The following RIPOR3 variants were observed in gnomAD, a reference collection of about 807,000 sequenced individuals.
The protein encoded by RIPOR3 is family with sequence similarity 65 member C.
A neutral mutation model predicts 114.3 loss-of-function variants in RIPOR3; 95 were observed. The observed-to-expected ratio is 0.83, with a 90% CI of 0.70 to 0.99. RIPOR3 has a LOEUF of 0.99. Among genes scored for constraint, RIPOR3 ranks in the 50% least tolerant of loss-of-function variants. The pLI, the probability that RIPOR3 is intolerant of heterozygous loss-of-function variation, is 0.00. For missense variants in RIPOR3, 1,252 were observed against 1,266.9 expected (o/e 0.99, Z 0.18); for synonymous variants, 575 against 543.8 (o/e 1.06, Z -0.80).
chr20:50,630,589 C>T, intron 2 of RIPOR3, 149 bp downstream of exon 2: 1 of 607,248 alleles, frequency 1.6e-6, no homozygotes, highest in South Asian at 2.1e-5. Flanking sequence ...CTCTCTCTCT[C>T]TCTCTCTCTC....
chr20:50,668,725 C>T (rs925293971), intron 1 of RIPOR3, among the ~76,000 whole-genome samples: 1 of 152,058 alleles, frequency 6.6e-6, no homozygotes, highest in Admixed American at 6.6e-5. Context: ...GGCGTGGTGG[C>T]GGGTGCCTGT....
At chr20:50,607,080 C>T (rs1313126112) in intron 11 of RIPOR3, among the ~76,000 whole-genome samples, 2 of 152,150 alleles carry the variant, frequency 1.3e-5, no homozygotes, top group African/African-American at 2.4e-5. Flanking sequence ...CGTTTCATTC[C>T]CCTGCTCCTT....
At position 50,610,833 on chromosome 20, in the gene RIPOR3, A is replaced by G. The variant is rs1223430406; in HGVS notation, c.426+20T>C. 2.5e-6 allele frequency: 4 copies of G among 1,614,012 alleles called. No individual in the cohort carries two copies. In the African/African-American group the frequency reaches 4.0e-5, roughly 16 times the overall value. ...TGGCACTGCCCCACCCCACCCTGCA[A>G]CATCCACGAGCCAGCTGACCTTGCT... On this transcript the variant is annotated intron_variant, in intron 6 of 21. Coordinates refer to ENST00000327979, the MANE Select transcript of RIPOR3 (RefSeq NM_001290268.2).
chr20:50,624,833 G>T (rs1325867360), intron 2 of RIPOR3, among the ~76,000 whole-genome samples: 1 of 152,250 alleles, frequency 6.6e-6, no homozygotes, highest in African/African-American at 2.4e-5. Context: ...TTGGTACTCG[G>T]CTGTTGCAAG....
Position 50,608,735 on chromosome 20 carries a change from G to C in RIPOR3, c.688C>G (p.Leu230Val), listed in dbSNP as rs1194330076. 3 of 1,613,886 alleles carry C rather than the reference G, an allele frequency of 1.9e-6. No homozygotes were observed. The African/African-American group carries it at 4.0e-5, about 22-fold the overall frequency. ...CAACGCTGGCGGCCCAGACGCATGA[G>C]CACCTGTGAACCAGCCCGAGAGGGG... ...RLCPGDHYEV[L>V]MRLGRQRWKL... Residue 230 changes from leucine to valine, a missense_variant, in exon 10 of 22, where the codon CTC (leucine) becomes GTC (valine). Leu to Val is a conservative substitution (Grantham distance 32). Coordinates refer to ENST00000327979, the MANE Select transcript of RIPOR3 (RefSeq NM_001290268.2).
chr20:50,632,047 C>T (rs1383600216), intron 1 of RIPOR3, among the ~76,000 whole-genome samples: 1 of 152,176 alleles, frequency 6.6e-6, no homozygotes, highest in East Asian at 1.9e-4. Flanking sequence ...CACCCCACTA[C>T]ACCTCTGCTC....
At chr20:50,629,424 T>C (rs2084738778) in intron 2 of RIPOR3, among the ~76,000 whole-genome samples, 1 of 152,146 alleles carries the variant, frequency 6.6e-6, no homozygotes, top group Non-Finnish European at 1.5e-5. Context: ...GCTTGCACAG[T>C]GCCTGGCATG....
intron 4 of RIPOR3, among the ~76,000 whole-genome samples, chr20:50,614,107 C>T (rs2084075020): frequency 6.6e-6 from 1 of 152,188 alleles, no homozygotes; most frequent in Admixed American, 6.5e-5. Context: ...ACGATCTCAC[C>T]TCACTGCATC....
At chr20:50,636,105 T>C (rs760527363) in intron 1 of RIPOR3, among the ~76,000 whole-genome samples, 1 of 152,168 alleles carries the variant, frequency 6.6e-6, no homozygotes, top group South Asian at 2.1e-4. Flanking sequence ...GTGGGGCTGA[T>C]CCATGACGTT....
At position 50,630,640 on chromosome 20, in the gene RIPOR3, C is replaced by T. The variant is rs554297993; in HGVS notation, c.122+98G>A. On this transcript the variant is annotated intron_variant, in intron 2 of 21. Coordinates refer to ENST00000327979, the MANE Select transcript of RIPOR3 (RefSeq NM_001290268.2). ...GCAAGCCGGCCTGAGAGTGGGCCTT[C>T]GGGTCTCTGGCAGCAGGAGGAGGAT... 82 of 1,040,704 alleles carry T rather than the reference C, an allele frequency of 7.9e-5. 1 individual carries two copies. In the South Asian group the frequency reaches 9.4e-4, roughly 12 times the overall value. 64.5% of individuals were successfully genotyped at this position (1,040,704 alleles called of 1,614,324 possible).
At chr20:50,632,363 C>T (rs1192731346) in intron 1 of RIPOR3, among the ~76,000 whole-genome samples, 1 of 152,164 alleles carries the variant, frequency 6.6e-6, no homozygotes, top group African/African-American at 2.4e-5. Context: ...TCCCGAGAGC[C>T]CACAGTGTGC....
In RIPOR3 at chr20:50,609,326, C is replaced by A; in HGVS notation, c.607G>T (p.Val203Phe). ...DMWLIEGALE[V>F]HLGEFHIRMK... ...CTGATGTGGAACTCGCCCAGGTGAA[C>A]CTCCAGGGCCCCCTCGATGAGCCAC... is the stretch of plus-strand genomic sequence containing the variant. Residue 203 changes from valine to phenylalanine, a missense_variant, in exon 8 of 22, where the codon GTT (valine) becomes TTT (phenylalanine). Coordinates refer to ENST00000327979, the MANE Select transcript of RIPOR3 (RefSeq NM_001290268.2). 6.2e-7 allele frequency: 1 copy of A among 1,613,958 alleles called. No homozygotes were observed. Among genetic ancestry groups the A allele is most frequent in the Non-Finnish European group, 8.5e-7 (1 of 1,179,872 alleles).
At chr20:50,685,599 G>A (rs73615320) in intron 1 of RIPOR3, among the ~76,000 whole-genome samples, 22 of 149,920 alleles carry the variant, frequency 1.5e-4, no homozygotes, top group Non-Finnish European at 2.4e-4. Flanking sequence ...CAAGGTGGGC[G>A]GATCACCTGA....
chr20:50,598,516 A>G (rs1241032600), intron 13 of RIPOR3, among the ~76,000 whole-genome samples: 1 of 152,150 alleles, frequency 6.6e-6, no homozygotes, highest in Non-Finnish European at 1.5e-5. Context: ...CAAAGAGAAA[A>G]TCTTGAGGAC....
intron 1 of RIPOR3, among the ~76,000 whole-genome samples, chr20:50,656,387 G>A (rs2085814072): frequency 6.6e-6 from 1 of 152,100 alleles, no homozygotes; most frequent in Non-Finnish European, 1.5e-5. Flanking sequence ...TTGTTGGGAG[G>A]AGTAAACAAG....
In RIPOR3 at chr20:50,609,642, C is replaced by G. The variant is rs1416104426; in HGVS notation, c.507G>C (p.Arg169=). 12 of 1,400,934 alleles carry G rather than the reference C, an allele frequency of 8.6e-6. No homozygotes were observed. The East Asian group carries it at 3.4e-4, about 40-fold the overall frequency. The allele number at this position is 1,400,934 out of a possible 1,614,324, so 86.8% of individuals were successfully genotyped here. The change falls in exon 7 of 22, where the codon CGG becomes CGC. Residue 169 remains arginine (R), a synonymous_variant. Transcript: ENST00000327979. The part of the protein sequence containing the change: ...GASSMQRAFA[R]CPPSRAARES... ...CTCGGGCTGCGCGGCTCGGGGGGCACCGGGCGAAGGCCCGCTGCATGCTGG... is the reference window on the plus strand; with the variant it reads ...CTCGGGCTGCGCGGCTCGGGGGGCAGCGGGCGAAGGCCCGCTGCATGCTGG...
At chr20:50,631,248 C>T (rs1371974006) in intron 1 of RIPOR3, among the ~76,000 whole-genome samples, 1 of 152,190 alleles carries the variant, frequency 6.6e-6, no homozygotes, top group Non-Finnish European at 1.5e-5. Flanking sequence ...AGGCCAAGTC[C>T]CCCCATCCTC....
intron 14 of RIPOR3, chr20:50,597,333 TC>T (rs1473200465): frequency 1.3e-5 from 7 of 525,922 alleles, no homozygotes; most frequent in African/African-American, 1.3e-4. Flanking sequence ...AAAAGCTGGT[TC>T]CTTGGAGCAG....
chr20:50,587,407 C>T (rs1399271218), intron 21 of RIPOR3, 75 bp from the exon 22 acceptor site: 1 of 1,302,616 alleles, frequency 7.7e-7, no homozygotes, highest in Non-Finnish European at 1.1e-6. Context: ...CCAGGGTGGC[C>T]CTAGTGCTTA....
Sources: gnomAD v4.1 joint callset for allele counts (sites outside exome capture counted in the v4.1 genomes callset) on GRCh38, gnomAD v4.1.1 for gene constraint, MANE v1.5 for transcripts, NCBI Gene and HGNC (gene_info 2026-07-23, HGNC 2026-07-21) for gene names.